Variants in CCDC25 observed in about 807,000 individuals in gnomAD.
CCDC25 encodes coiled-coil domain containing 25, also known as coiled-coil domain-containing protein 25.
Under a neutral mutation model 35.3 loss-of-function variants are expected in CCDC25, and 16 were observed. The ratio of observed to expected loss-of-function variants is 0.45; its 90% CI spans 0.31 to 0.69. The LOEUF is 0.69. Among genes scored for constraint, CCDC25 ranks in the 30% least tolerant of loss-of-function variants. The pLI, the probability that CCDC25 is intolerant of heterozygous loss-of-function variation, is 0.06. For missense variants in CCDC25, 179 were observed against 250.7 expected, an observed-to-expected ratio of 0.71 and a Z score of 1.93; for synonymous variants, 79 against 80.3, an observed-to-expected ratio of 0.98 and a Z score of 0.09.
rs1041306573 is a variant in CCDC25 at position 27,737,760 on chromosome 8, A to G, written c.598-1515T>C. Among the ~76,000 whole-genome samples the G allele has an allele frequency of 5.3e-5, 8 of 152,178 alleles. No homozygotes were observed. The highest frequency in any genetic ancestry group is 1.7e-4 in the African/African-American group (7 of 41,428). On this transcript the variant is annotated intron_variant, in intron 8 of 8. Transcript: ENST00000356537. This position sits in a 1 kb window ranked among gnomAD's most constrained non-coding sequence, Gnocchi z 4.6. Reference sequence around the variant, plus strand: ...CCAGAGGAAAAGAAGTCATTATTCAAAAAAGATACTTGCACACACATGTTT... The same window carrying G: ...CCAGAGGAAAAGAAGTCATTATTCAGAAAAGATACTTGCACACACATGTTT...
intron 5 of CCDC25, among the ~76,000 whole-genome samples, 182 bp from the exon 6 acceptor site, chr8:27,748,780 A>G (rs773596531): frequency 2.0e-5 from 3 of 152,250 alleles, no homozygotes; most frequent in Non-Finnish European, 4.4e-5. Context: ...GGTAAAGCTG[A>G]CAAAATTCAA....
Position 27,765,233 on chromosome 8 carries a change from G to C in CCDC25, c.47C>G (p.Thr16Ser). The change falls in exon 2 of 9, where the codon ACT becomes AGT. Residue 16 changes from threonine (T) to serine (S), a missense_variant. Thr to Ser is a moderately conservative substitution (Grantham distance 58, BLOSUM62 1). Transcript: ENST00000356537. The part of the protein sequence containing the change: ...TSSSVNSSAY[T>S]IYMGKDKYEN... The stretch of plus-strand genomic sequence containing the variant: ...ATATTTATCTTTTCCCATGTAAATA[G>C]TGTAGGCAGATGAATTAACTAAGAT... 2.0e-6 allele frequency: 3 copies of C among 1,500,352 alleles called. No individual in the cohort carries two copies. The highest frequency in any genetic ancestry group is 2.7e-6 in the Non-Finnish European group (3 of 1,105,582). The allele number at this position is 1,500,352 out of a possible 1,614,324, so 92.9% of individuals were successfully genotyped here.
At chr8:27,766,744 A>G (rs1438866783) in intron 1 of CCDC25, among the ~76,000 whole-genome samples, 2 of 152,206 alleles carry the variant, frequency 1.3e-5, no homozygotes, top group African/African-American at 4.8e-5. Context: ...ATCTTTTTAC[A>G]ACCTAAACAT....
chr8:27,752,724 T>C (rs570969475), intron 4 of CCDC25, 137 bp from the exon 5 acceptor site: 5 of 537,968 alleles, frequency 9.3e-6, no homozygotes, highest in African/African-American at 5.9e-5. Flanking sequence ...TACAGAACAC[T>C]GAAAAGTAAA....
chr8:27,756,558 G>A, intron 4 of CCDC25, 161 bp downstream of exon 4: 1 of 598,308 alleles, frequency 1.7e-6, no homozygotes, highest in Non-Finnish European at 3.0e-6. Flanking sequence ...TAGAATGTTA[G>A]AGTGATTTTC....
intron 8 of CCDC25, among the ~76,000 whole-genome samples, chr8:27,739,725 A>G (rs901261735): frequency 2.0e-5 from 3 of 152,212 alleles, no homozygotes; most frequent in Admixed American, 6.5e-5. Context: ...CCAATCCCCC[A>G]TGAATACTGA....
intron 4 of CCDC25, 47 bp downstream of exon 4, chr8:27,756,672 T>C: frequency 8.2e-7 from 1 of 1,226,058 alleles, no homozygotes; most frequent in Non-Finnish European, 1.2e-6. Context: ...CAAGATATGA[T>C]GCATCATCAG....
Position 27,736,026 on chromosome 8 carries a change from T to C in CCDC25, c.*190A>G, listed in dbSNP as rs3735748. The C allele has an allele frequency of 2.8e-3, 1,551 of 551,314 alleles. 40 individuals are homozygous for C. The East Asian group carries it at 0.041, about 15-fold the overall frequency. 34.2% of individuals were successfully genotyped at this position (551,314 alleles called of 1,614,324 possible). ...TATGCTGTCAAGTTCAACTATTTTA[T>C]ACATATCTGATCCTTTTCTGTCAGC... On this transcript the variant is annotated 3_prime_UTR_variant, in exon 9 of 9. Coordinates refer to ENST00000356537, the MANE Select transcript of CCDC25 (RefSeq NM_018246.3).
chr8:27,739,013 A>T (rs1803348559), intron 8 of CCDC25, among the ~76,000 whole-genome samples: 1 of 152,188 alleles, frequency 6.6e-6, no homozygotes, highest in Non-Finnish European at 1.5e-5. Context: ...AATTCTAAGC[A>T]GCCCTGTGAA....
chr8:27,741,655 G>A (rs1803443768), intron 7 of CCDC25, among the ~76,000 whole-genome samples: 3 of 152,172 alleles, frequency 2.0e-5, no homozygotes, highest in Non-Finnish European at 4.4e-5. Flanking sequence ...TCCAACATGG[G>A]CGACAGAGCA....
chr8:27,757,714 G>A lies in CCDC25; in HGVS notation c.117-944C>T, dbSNP rs117029553. On this transcript the variant is annotated intron_variant, in intron 3 of 8. Coordinates refer to ENST00000356537, the MANE Select transcript of CCDC25 (RefSeq NM_018246.3). ...ACACAACAAACAAGGTAACACTATC[G>A]CCACTTCGTGATTCTGTTAACTTTA... Among the ~76,000 whole-genome samples, 232 of 152,102 alleles carry A rather than the reference G, an allele frequency of 1.5e-3. 1 individual carries two copies. The highest frequency in any genetic ancestry group is 2.8e-3 in the Non-Finnish European group (193 of 68,010).
At chr8:27,768,592 G>A (rs1585378967) in intron 1 of CCDC25, among the ~76,000 whole-genome samples, 1 of 150,140 alleles carries the variant, frequency 6.7e-6, no homozygotes. Flanking sequence ...AAAAGAAAAT[G>A]AAAAATAAAA....
intron 3 of CCDC25, among the ~76,000 whole-genome samples, chr8:27,758,571 C>A (rs1804100305): frequency 6.6e-6 from 1 of 152,166 alleles, no homozygotes; most frequent in African/African-American, 2.4e-5. Flanking sequence ...GCCAGAAAAA[C>A]CTGTGCTTTT....
At position 27,737,428 on chromosome 8, in the gene CCDC25, G is replaced by A. The variant is rs1803273366; in HGVS notation, c.598-1183C>T. Reference sequence around the variant, plus strand: ...AAGCCATTCCCTATAAAGGCTGTGAGTTAGATGTGCAGAGTCCCCACTTGT... The same window carrying A: ...AAGCCATTCCCTATAAAGGCTGTGAATTAGATGTGCAGAGTCCCCACTTGT... On this transcript the variant is annotated intron_variant, in intron 8 of 8. Transcript: ENST00000356537. The surrounding 1 kb of genome is among the most constrained non-coding windows in gnomAD (Gnocchi z 4.6). 6.6e-6 allele frequency among the ~76,000 whole-genome samples: 1 copy of A among 152,200 alleles called. No homozygotes were observed.
Position 27,772,615 on chromosome 8 carries a change from G to T in CCDC25, c.-75C>A. ...TCACGAAGCTCAGGATACCAGACTC[G>T]CGGCGGCCGCCTGGCCCCCGGAACT... On this transcript the variant is annotated 5_prime_UTR_variant, in exon 1 of 9. Coordinates refer to ENST00000356537, the MANE Select transcript of CCDC25 (RefSeq NM_018246.3). The T allele has an allele frequency of 1.4e-6, 2 of 1,465,694 alleles. No homozygotes were observed. Among genetic ancestry groups the T allele is most frequent in the Non-Finnish European group, 1.9e-6 (2 of 1,075,466 alleles). The allele number at this position is 1,465,694 out of a possible 1,614,324, so 90.8% of individuals were successfully genotyped here.
chr8:27,751,608 C>T (rs1269948322), intron 5 of CCDC25, among the ~76,000 whole-genome samples: 1 of 152,186 alleles, frequency 6.6e-6, no homozygotes. Context: ...TGATTGCTTT[C>T]CAACCCTCTG....
At position 27,772,547 on chromosome 8, in the gene CCDC25, G is replaced by C. The variant is rs781566328; in HGVS notation, c.-7C>G. On this transcript the variant is annotated 5_prime_UTR_variant, in exon 1 of 9. Transcript: ENST00000356537. ...TGGTGAAGTAGAACACCATGATCCC[G>C]GGAGCGGTGCGGTGACTCCACCGCG... 2.6e-6 allele frequency: 4 copies of C among 1,549,330 alleles called. No individual in the cohort carries two copies. Among genetic ancestry groups the C allele is most frequent in the Non-Finnish European group, 3.5e-6 (4 of 1,146,546 alleles).
chr8:27,762,075 A>G (rs1241231029), intron 3 of CCDC25, among the ~76,000 whole-genome samples: 3 of 151,998 alleles, frequency 2.0e-5, no homozygotes, highest in Non-Finnish European at 4.4e-5. Context: ...GCTTGTATCT[A>G]TTTTCTTCAT....
At chr8:27,757,260 G>A (rs778438561) in intron 3 of CCDC25, among the ~76,000 whole-genome samples, 3 of 152,282 alleles carry the variant, frequency 2.0e-5, no homozygotes, top group South Asian at 2.1e-4. Context: ...TGACAGTTTC[G>A]TTTGTGACAT....
Sources: allele counts gnomAD v4.1 joint callset (sites outside exome capture counted in the v4.1 genomes callset), GRCh38; gene constraint gnomAD v4.1.1; non-coding constraint Gnocchi (gnomAD v3.1); transcripts MANE v1.5; gene names NCBI Gene and HGNC (gene_info 2026-07-23, HGNC 2026-07-21).